The following TRERF1 variants were observed in gnomAD, a reference collection of about 807,000 sequenced individuals.
TRERF1 encodes transcriptional-regulating factor 1.
In TRERF1, 27 loss-of-function variants were observed where a neutral mutation model predicts 122.9. The observed-to-expected ratio is 0.22, with a 90% confidence interval of 0.16 to 0.30. The LOEUF is 0.30. Ranked by LOEUF, TRERF1 falls within the 10% of genes least tolerant of loss-of-function variation. The probability of loss-of-function intolerance (pLI) is 1.00; values close to 1 mark genes in which losing one functional copy is unlikely to be tolerated. For synonymous variants in TRERF1, 636 were observed against 641.7 expected, an observed-to-expected ratio of 0.99 and a Z score of 0.13; for missense variants, 1,248 against 1,560.3, an observed-to-expected ratio of 0.80 and a Z score of 3.37.
intron 4 of TRERF1, among the ~76,000 whole-genome samples, chr6:42,286,039 A>C (rs1783159425): frequency 6.7e-6 from 1 of 149,420 alleles, no homozygotes; most frequent in South Asian, 2.1e-4. Context: ...ACAAGCAATT[A>C]AAAGGATTCC....
chr6:42,327,418 G>T (rs1193055490), intron 3 of TRERF1, among the ~76,000 whole-genome samples: 1 of 152,166 alleles, frequency 6.6e-6, no homozygotes, highest in African/African-American at 2.4e-5. Flanking sequence ...ACCCAATCTG[G>T]TCTTGGAACG....
intron 2 of TRERF1, among the ~76,000 whole-genome samples, chr6:42,364,745 C>G (rs868450699): frequency 3.3e-5 from 5 of 152,238 alleles, no homozygotes; most frequent in African/African-American, 1.2e-4. Context: ...CATAAGCCCC[C>G]ACCAGTGGAG....
At chr6:42,267,961 G>T (rs1779504871) in intron 5 of TRERF1, among the ~76,000 whole-genome samples, 193 bp downstream of exon 5, 2 of 152,246 alleles carry the variant, frequency 1.3e-5, no homozygotes, top group African/African-American at 4.8e-5. Context: ...CATGGCCAAA[G>T]GACTTAATAG....
chr6:42,252,102 G>A (rs916303722), intron 13 of TRERF1, among the ~76,000 whole-genome samples: 5 of 152,208 alleles, frequency 3.3e-5, no homozygotes, highest in African/African-American at 1.2e-4. Context: ...TCGTGGTGGG[G>A]GTTGAGCGCC....
At chr6:42,408,179 T>C (rs1780460841) in intron 2 of TRERF1, among the ~76,000 whole-genome samples, 1 of 148,388 alleles carries the variant, frequency 6.7e-6, no homozygotes, top group Non-Finnish European at 1.5e-5. Context: ...TACAACTGTT[T>C]CCCTCTTCCA....
At position 42,393,635 on chromosome 6, in the gene TRERF1, A is replaced by C. The variant is rs905430776; in HGVS notation, c.-453-30556T>G. 3.9e-5 allele frequency among the ~76,000 whole-genome samples: 6 copies of C among 152,218 alleles called. No homozygotes were observed. The highest frequency in any genetic ancestry group is 1.2e-4 in the African/African-American group (5 of 41,454). ...CCTAAAACAGTGACCTAGCTATTAA[A>C]ATCTGCATTCCCAAATCCGCTGCAG... On this transcript the variant is annotated intron_variant, in intron 2 of 17. Coordinates refer to ENST00000372922, the Ensembl canonical transcript of TRERF1. This position sits in a 1 kb window ranked among gnomAD's most constrained non-coding sequence, Gnocchi z 4.1.
chr6:42,265,730 A>G (rs1360008442), intron 6 of TRERF1, 21 bp downstream of exon 6: 1 of 1,611,320 alleles, frequency 6.2e-7, no homozygotes, highest in South Asian at 1.1e-5. Flanking sequence ...CAAAATACCA[A>G]CAAGGTTCCA....
At chr6:42,373,420 C>T (rs1270050341) in intron 2 of TRERF1, among the ~76,000 whole-genome samples, 2 of 152,208 alleles carry the variant, frequency 1.3e-5, no homozygotes, top group Non-Finnish European at 2.9e-5. Flanking sequence ...GCAATCCCAG[C>T]ACTTTGGGAG....
intron 2 of TRERF1, among the ~76,000 whole-genome samples, chr6:42,376,778 T>C (rs541689884): frequency 1.3e-5 from 2 of 151,888 alleles, no homozygotes; most frequent in South Asian, 4.2e-4. Flanking sequence ...CTTGACCTTA[T>C]GATTTGCCCA....
At chr6:42,415,131 T>C (rs1047512831) in intron 2 of TRERF1, among the ~76,000 whole-genome samples, 1 of 152,224 alleles carries the variant, frequency 6.6e-6, no homozygotes, top group African/African-American at 2.4e-5. Context: ...AGCTCTGATT[T>C]GTACTTTTTA....
intron 3 of TRERF1, among the ~76,000 whole-genome samples, chr6:42,327,310 C>G (rs577969386): frequency 2.6e-5 from 4 of 152,190 alleles, no homozygotes; most frequent in Non-Finnish European, 5.9e-5. Flanking sequence ...AGAGGAGGAG[C>G]TGGGGGTTGT....
intron 2 of TRERF1, among the ~76,000 whole-genome samples, chr6:42,449,424 C>A (rs1788078520): frequency 6.7e-6 from 1 of 150,340 alleles, no homozygotes; most frequent in African/African-American, 2.5e-5. Flanking sequence ...ATTCATGGGC[C>A]TTCAAGCCTT....
intron 3 of TRERF1, among the ~76,000 whole-genome samples, chr6:42,345,437 T>C (rs919088309): frequency 6.6e-6 from 1 of 152,164 alleles, no homozygotes; most frequent in Admixed American, 6.6e-5. Context: ...GTGCAGCTTC[T>C]TCACTCACAG....
chr6:42,385,900 C>G (rs1380556274), intron 2 of TRERF1, among the ~76,000 whole-genome samples: 1 of 152,092 alleles, frequency 6.6e-6, no homozygotes, highest in African/African-American at 2.4e-5. Flanking sequence ...CAGAAAGTGG[C>G]CTGAAAGAGG....
chr6:42,319,206 A>C (rs1419159932), intron 3 of TRERF1, among the ~76,000 whole-genome samples: 1 of 152,164 alleles, frequency 6.6e-6, no homozygotes, highest in Non-Finnish European at 1.5e-5. Context: ...GATATACTCT[A>C]TATCTGTTTA....
At chr6:42,262,047 C>T (rs1242950766) in intron 8 of TRERF1, among the ~76,000 whole-genome samples, 1 of 151,982 alleles carries the variant, frequency 6.6e-6, no homozygotes, top group African/African-American at 2.4e-5. Context: ...GAGAGTTCCC[C>T]AAGGGAACTA....
chr6:42,356,704 A>C (rs1180592358), intron 3 of TRERF1, among the ~76,000 whole-genome samples: 1 of 152,024 alleles, frequency 6.6e-6, no homozygotes, highest in Non-Finnish European at 1.5e-5. Context: ...CCTCCCGAGT[A>C]GCTGGGATTA....
intron 3 of TRERF1, among the ~76,000 whole-genome samples, chr6:42,341,174 C>A (rs1352047712): frequency 6.6e-6 from 1 of 152,214 alleles, no homozygotes; most frequent in African/African-American, 2.4e-5. Flanking sequence ...TAGGTTTGAA[C>A]CCCGCTCTGT....
intron 7 of TRERF1, 82 bp downstream of exon 7, chr6:42,264,622 C>T: frequency 6.4e-7 from 1 of 1,558,624 alleles, no homozygotes; most frequent in Non-Finnish European, 8.7e-7. Flanking sequence ...GCATGGGGCT[C>T]ACATCACTCT....
Sources: allele counts gnomAD v4.1 joint callset (sites outside exome capture counted in the v4.1 genomes callset), GRCh38; gene constraint gnomAD v4.1.1; non-coding constraint Gnocchi (gnomAD v3.1); transcripts MANE v1.5; gene names NCBI Gene and HGNC (gene_info 2026-07-23, HGNC 2026-07-21).